CORIN: variants seen among roughly 807,000 people sequenced by gnomAD.
The protein encoded by CORIN is corin, serine peptidase.
A neutral mutation model predicts 125.3 loss-of-function variants in CORIN; 117 were observed. The observed-to-expected ratio is 0.93, with a 90% CI of 0.80 to 1.09. The LOEUF (loss-of-function observed/expected upper bound fraction) is 1.09, where lower values mean the gene tolerates loss of function less well. Among genes scored for constraint, CORIN ranks in the 50% least tolerant of loss-of-function variants. The pLI is 0.00. For synonymous variants in CORIN, 450 were observed against 466.4 expected, an observed-to-expected ratio of 0.96 and a Z score of 0.45; for missense variants, 1,253 against 1,306.7, an observed-to-expected ratio of 0.96 and a Z score of 0.63.
At chr4:47,833,605 C>T (rs1414309687) in intron 1 of CORIN, among the ~76,000 whole-genome samples, 1 of 146,928 alleles carries the variant, frequency 6.8e-6, no homozygotes, top group Non-Finnish European at 1.5e-5. Context: ...ATATGATCAA[C>T]AAAATGAAAA....
intron 4 of CORIN, among the ~76,000 whole-genome samples, chr4:47,758,488 T>C (rs1384241925): frequency 6.6e-6 from 1 of 152,052 alleles, no homozygotes; most frequent in Non-Finnish European, 1.5e-5. Context: ...TCCCCAAGTT[T>C]GCATGGAAAC....
intron 1 of CORIN, among the ~76,000 whole-genome samples, chr4:47,822,935 C>T (rs888839751): frequency 1.3e-5 from 2 of 151,992 alleles, no homozygotes; most frequent in African/African-American, 4.8e-5. Context: ...CCTGTCTCAG[C>T]CTCCCAAGTA....
intron 4 of CORIN, among the ~76,000 whole-genome samples, chr4:47,756,637 G>A (rs542356580): frequency 6.6e-6 from 1 of 151,408 alleles, no homozygotes; most frequent in Admixed American, 6.6e-5. Context: ...TCTTAGTCAT[G>A]TGGCTAAGTA....
chr4:47,799,103 T>TGG (rs760681653), intron 2 of CORIN, among the ~76,000 whole-genome samples: 2 of 141,078 alleles, frequency 1.4e-5, no homozygotes, highest in African/African-American at 5.5e-5. Context: ...TAGTATCCCA[T>TGG]GGGGTGTGTG....
intron 1 of CORIN, among the ~76,000 whole-genome samples, chr4:47,818,000 T>C (rs1427629589): frequency 6.6e-6 from 1 of 152,258 alleles, no homozygotes; most frequent in Non-Finnish European, 1.5e-5. Context: ...TTTATCATCA[T>C]GTATTCCTTC....
chr4:47,672,634 G>GTA (rs1013690451), intron 10 of CORIN, among the ~76,000 whole-genome samples: 8 of 151,878 alleles, frequency 5.3e-5, no homozygotes, highest in Non-Finnish European at 8.8e-5. Context: ...GTGTGTGTGT[G>GTA]TATATATATA....
At chr4:47,628,968 A>G (rs747329339) in intron 16 of CORIN, among the ~76,000 whole-genome samples, 2 of 152,170 alleles carry the variant, frequency 1.3e-5, no homozygotes, top group Non-Finnish European at 2.9e-5. Context: ...AGTTGTTTTC[A>G]TATCTTGGGT....
intron 19 of CORIN, among the ~76,000 whole-genome samples, chr4:47,612,709 C>T (rs760666840): frequency 2.6e-5 from 4 of 152,164 alleles, no homozygotes; most frequent in Non-Finnish European, 5.9e-5. Context: ...AACTAAACTT[C>T]TCTGAAACAA....
At chr4:47,822,977 G>A (rs183254042) in intron 1 of CORIN, among the ~76,000 whole-genome samples, 40 of 152,102 alleles carry the variant, frequency 2.6e-4, no homozygotes, top group Middle Eastern at 3.4e-3. Flanking sequence ...CAACATGCCC[G>A]GCTAATTTCT....
intron 5 of CORIN, among the ~76,000 whole-genome samples, chr4:47,742,572 T>A (rs1325917981): frequency 3.3e-5 from 5 of 151,978 alleles, no homozygotes; most frequent in Non-Finnish European, 5.9e-5. Context: ...AACACATAAT[T>A]GAGAGAAATT....
In CORIN at chr4:47,755,390, C is replaced by G. The variant is rs184945848; in HGVS notation, c.617+7989G>C. ...CAAAGTTTCACACCCCCAGTTCCCT[C>G]AAGTATTCTTCACATGAACAGATTC... is the stretch of plus-strand genomic sequence containing the variant. On this transcript the variant is annotated intron_variant, in intron 4 of 21. Coordinates refer to ENST00000273857, the MANE Select transcript of CORIN (RefSeq NM_006587.4). 9.0e-3 allele frequency among the ~76,000 whole-genome samples: 1,373 copies of G among 152,268 alleles called. 6 individuals are homozygous for G. Among genetic ancestry groups the G allele is most frequent in the Non-Finnish European group, 0.014 (981 of 68,016 alleles).
chr4:47,706,149 G>C (rs2109768030), intron 5 of CORIN, among the ~76,000 whole-genome samples: 1 of 152,234 alleles, frequency 6.6e-6, no homozygotes, highest in Non-Finnish European at 1.5e-5. Context: ...ATGCTGAATG[G>C]ATTTTTCAGC....
rs1035579262 is a variant in CORIN at position 47,737,296 on chromosome 4, G to A, written c.799+7106C>T. ...GGCACATACGTGTGATCATATATGTGTCTGGCCCATATCACATATACGATC... is the reference window on the plus strand; with the variant it reads ...GGCACATACGTGTGATCATATATGTATCTGGCCCATATCACATATACGATC... On this transcript the variant is annotated intron_variant, in intron 5 of 21. Coordinates refer to ENST00000273857, the MANE Select transcript of CORIN (RefSeq NM_006587.4). Among the ~76,000 whole-genome samples the A allele has an allele frequency of 2.0e-5, 3 of 152,214 alleles. No homozygotes were observed. The South Asian group carries it at 6.2e-4, about 32-fold the overall frequency.
chr4:47,711,804 G>C (rs1726850189), intron 5 of CORIN, among the ~76,000 whole-genome samples: 1 of 152,190 alleles, frequency 6.6e-6, no homozygotes, highest in South Asian at 2.1e-4. Flanking sequence ...CCTGGTATGA[G>C]AGTAAGGTCC....
chr4:47,748,163 C>T (rs548477301), intron 4 of CORIN, among the ~76,000 whole-genome samples: 5 of 152,274 alleles, frequency 3.3e-5, no homozygotes, highest in South Asian at 2.1e-4. Context: ...CACTTTCCAA[C>T]AGTGAGCAAA....
chr4:47,642,265 C>T (rs1410882391), intron 15 of CORIN, among the ~76,000 whole-genome samples: 2 of 152,160 alleles, frequency 1.3e-5, no homozygotes, highest in African/African-American at 4.8e-5. Context: ...CTCAAAGAAC[C>T]GTAGACTCTA....
rs1437242618 is a variant in CORIN, at chr4:47,639,692, A to C, written c.2198+2228T>G. Among the ~76,000 whole-genome samples the C allele has an allele frequency of 5.3e-5, 8 of 152,322 alleles. No homozygotes were observed. In the East Asian group the frequency reaches 1.3e-3, roughly 26 times the overall value. ...TCTAGCAAGGGCTTTGATCTGGAGG[A>C]AATGACTCAAAGGTGCAGGGTGACT... On this transcript the variant is annotated intron_variant, in intron 16 of 21. Transcript: ENST00000273857.
At chr4:47,748,032 G>A (rs1229215593) in intron 4 of CORIN, among the ~76,000 whole-genome samples, 2 of 152,266 alleles carry the variant, frequency 1.3e-5, no homozygotes, top group African/African-American at 4.8e-5. Context: ...TAGGGCCTAA[G>A]AAAAATGTCT....
chr4:47,829,331 A>G (rs1308300696), intron 1 of CORIN, among the ~76,000 whole-genome samples: 2 of 152,172 alleles, frequency 1.3e-5, no homozygotes, highest in Non-Finnish European at 2.9e-5. Flanking sequence ...CTAAAATTAC[A>G]TCTGTGGCTA....
Sources: allele counts gnomAD v4.1 joint callset (sites outside exome capture counted in the v4.1 genomes callset), GRCh38; gene constraint gnomAD v4.1.1; transcripts MANE v1.5; gene names NCBI Gene and HGNC (gene_info 2026-07-23, HGNC 2026-07-21).